CCDC71L: variants seen among roughly 807,000 people sequenced by gnomAD.
CCDC71L encodes the protein coiled-coil domain-containing protein 71L.
Under a neutral mutation model 10.2 loss-of-function variants are expected in CCDC71L, and 6 were observed. That is an observed-to-expected ratio of 0.59 (90% CI 0.32 to 1.16). CCDC71L has a LOEUF of 1.16. Ranked by LOEUF, CCDC71L falls within the 50% of genes most tolerant of loss-of-function variation. CCDC71L has a pLI of 0.05. For missense variants in CCDC71L, 366 were observed against 383.4 expected (o/e 0.95, Z 0.38); for synonymous variants, 204 against 175.5 (o/e 1.16, Z -1.28).
In CCDC71L at chr7:106,655,144, A is replaced by G. The variant is rs1792470256; in HGVS notation, c.*5045T>C. ...ATCATGGTTTAGAATGACATTTACC[A>G]AGACACAAGAGAGTGATGACAGTGA... On this transcript the variant is annotated 3_prime_UTR_variant, in exon 1 of 1. Transcript: ENST00000523505. 6.6e-6 allele frequency among the ~76,000 whole-genome samples: 1 copy of G among 152,168 alleles called. No homozygotes were observed. The highest frequency in any genetic ancestry group is 2.4e-5 in the African/African-American group (1 of 41,460).
chr7:106,660,244 C>T lies in CCDC71L; in HGVS notation c.653G>A (p.Arg218Gln), dbSNP rs769399575. ...CCTCACCATGGGTTCCAGGTTCACT[C>T]GCAGGACCTGGCGCGCCCTGCGCCG... ...AARRRARQVL[R>Q]VNLEPMVRLR... The change falls in exon 1 of 1, where the codon CGA becomes CAA. Residue 218 changes from arginine (R) to glutamine (Q), a missense_variant. By Grantham distance (43) the Arg-to-Gln change is conservative. Transcript: ENST00000523505. This position sits in a 1 kb window ranked among gnomAD's most constrained non-coding sequence, Gnocchi z 7.5. 1.2e-5 allele frequency: 19 copies of T among 1,576,838 alleles called. No individual in the cohort carries two copies. Among genetic ancestry groups the T allele is most frequent in the Non-Finnish European group, 1.6e-5 (19 of 1,171,426 alleles).
rs1208044158 is a variant in CCDC71L, at chr7:106,660,673, G to A, written c.224C>T (p.Ala75Val). 6.3e-7 allele frequency: 1 copy of A among 1,586,286 alleles called. No homozygotes were observed. Among genetic ancestry groups the A allele is most frequent in the Non-Finnish European group, 8.6e-7 (1 of 1,166,438 alleles). ...GCTGCAGAGGAAGCTCCAGAGCTCC[G>A]CGTCCGAGCTCATGAACTCCGTGCT... ...PRSTEFMSSD[A>V]ELWSFLCSLK... is the part of the protein sequence containing the mutation. The change falls in exon 1 of 1, where the codon GCG (alanine) becomes GTG (valine). Residue 75 changes from alanine to valine, a missense_variant. Coordinates refer to ENST00000523505, the MANE Select transcript of CCDC71L (RefSeq NM_175884.6). This position sits in a 1 kb window ranked among gnomAD's most constrained non-coding sequence, Gnocchi z 7.5.
In CCDC71L at chr7:106,656,656, C is replaced by A. The variant is rs918344380; in HGVS notation, c.*3533G>T. 1 of 151,552 alleles carries A rather than the reference C, an allele frequency of 6.6e-6. No individual in the cohort carries two copies. The allele number at this position is 151,552 out of a possible 1,614,324, so 9.4% of individuals were successfully genotyped here. A position where few individuals can be genotyped will look rare whatever the true frequency, so the allele number is the denominator to read the frequency against. ...TCGAGATTTCTGGGAATTTGAAGTT[C>A]ACAAAAAAGTCAAAATTTATCAAAT... On this transcript the variant is annotated 3_prime_UTR_variant, in exon 1 of 1. Transcript: ENST00000523505.
In CCDC71L at chr7:106,659,213, ATTTTAAAATAC is replaced by A. The variant is rs1353453777; in HGVS notation, c.*965_*975del. The A allele has an allele frequency of 2.0e-5, 3 of 152,244 alleles. No individual in the cohort carries two copies. In the East Asian group the frequency reaches 5.8e-4, roughly 29 times the overall value. The allele number at this position is 152,244 out of a possible 1,614,324, so 9.4% of individuals were successfully genotyped here. ...GTAAAATACATTACAAGGATAATGT[ATTTTAAAATAC>A]TTTAACGCATAATATTCCTAGATTT... is the stretch of plus-strand genomic sequence containing the variant. On this transcript the variant is annotated 3_prime_UTR_variant, in exon 1 of 1. Coordinates refer to ENST00000523505, the MANE Select transcript of CCDC71L (RefSeq NM_175884.6).
At position 106,660,188 on chromosome 7, in the gene CCDC71L, C is replaced by T; in HGVS notation, c.*1G>A. 3 of 1,553,002 alleles carry T rather than the reference C, an allele frequency of 1.9e-6. No homozygotes were observed. The highest frequency in any genetic ancestry group is 2.6e-6 in the Non-Finnish European group (3 of 1,159,758). On this transcript the variant is annotated 3_prime_UTR_variant, in exon 1 of 1. Coordinates refer to ENST00000523505, the MANE Select transcript of CCDC71L (RefSeq NM_175884.6). The surrounding 1 kb of genome is among the most constrained non-coding windows in gnomAD (Gnocchi z 7.5). ...GCAGGAGGCGCCCTGGAGGCCGCACCTCATGCCCGGGGCACCGGGAAGCGG... is the reference window on the plus strand; with the variant it reads ...GCAGGAGGCGCCCTGGAGGCCGCACTTCATGCCCGGGGCACCGGGAAGCGG...
rs963690481 is a variant in CCDC71L, at chr7:106,655,323, T to C, written c.*4866A>G. ...GTTCACCAATTTAGAGGATGTTCTA[T>C]TCTCTGTGCTATGAGGAATTAAACC... On this transcript the variant is annotated 3_prime_UTR_variant, in exon 1 of 1. Coordinates refer to ENST00000523505, the MANE Select transcript of CCDC71L (RefSeq NM_175884.6). Among the ~76,000 whole-genome samples, 3 of 152,198 alleles carry C rather than the reference T, an allele frequency of 2.0e-5. No individual in the cohort carries two copies. The highest frequency in any genetic ancestry group is 4.4e-5 in the Non-Finnish European group (3 of 68,010).
rs549632659 is a variant in CCDC71L at position 106,656,606 on chromosome 7, C to G, written c.*3583G>C. ...TTAAAGAATTGATGGAACACAGACT[C>G]CCGAGATAGCACAAAAAACAAATCT... On this transcript the variant is annotated 3_prime_UTR_variant, in exon 1 of 1. Coordinates refer to ENST00000523505, the MANE Select transcript of CCDC71L (RefSeq NM_175884.6). Among the ~76,000 whole-genome samples, 1 of 151,672 alleles carries G rather than the reference C, an allele frequency of 6.6e-6. No homozygotes were observed. Among genetic ancestry groups the G allele is most frequent in the Admixed American group, 6.6e-5 (1 of 15,248 alleles).
Position 106,660,230 on chromosome 7 carries a change from G to A in CCDC71L, c.667C>T (p.Pro223Ser). Residue 223 changes from proline to serine, a missense_variant, in exon 1 of 1, where the codon CCC (proline) becomes TCC (serine). Transcript: ENST00000523505. This position sits in a 1 kb window ranked among gnomAD's most constrained non-coding sequence, Gnocchi z 7.5. Reference sequence around the variant, plus strand: ...GGGAAGCGGCGGAGCCTCACCATGGGTTCCAGGTTCACTCGCAGGACCTGG... The same window carrying A: ...GGGAAGCGGCGGAGCCTCACCATGGATTCCAGGTTCACTCGCAGGACCTGG... ...ARQVLRVNLE[P>S]MVRLRRFPVP... is the part of the protein sequence containing the mutation. 6.3e-7 allele frequency: 1 copy of A among 1,578,112 alleles called. No individual in the cohort carries two copies. The highest frequency in any genetic ancestry group is 1.7e-5 in the Admixed American group (1 of 58,728).
At position 106,660,639 on chromosome 7, in the gene CCDC71L, G is replaced by A. The variant is rs1584308759; in HGVS notation, c.258C>T (p.His86=). The A allele has an allele frequency of 3.8e-6, 6 of 1,590,712 alleles. No individual in the cohort carries two copies. The East Asian group carries it at 1.4e-4, about 36-fold the overall frequency. The stretch of plus-strand genomic sequence containing the variant: ...TGCGCAGGATGTGCGGGGAGAACTG[G>A]TGCTTGAGGCTGCAGAGGAAGCTCC... ...ELWSFLCSLK[H]QFSPHILRSK... Residue 86 remains histidine (H), a synonymous_variant, in exon 1 of 1, where the codon CAC becomes CAT. Transcript: ENST00000523505. This position sits in a 1 kb window ranked among gnomAD's most constrained non-coding sequence, Gnocchi z 7.5.
Position 106,656,716 on chromosome 7 carries a change from T to C in CCDC71L, c.*3473A>G, listed in dbSNP as rs1422486471. Reference sequence around the variant, plus strand: ...AGATGTTTTCTGAGTCACATACAAATACAAAATACCATTTCAAAAATGTTC... The same window carrying C: ...AGATGTTTTCTGAGTCACATACAAACACAAAATACCATTTCAAAAATGTTC... On this transcript the variant is annotated 3_prime_UTR_variant, in exon 1 of 1. Coordinates refer to ENST00000523505, the MANE Select transcript of CCDC71L (RefSeq NM_175884.6). The C allele has an allele frequency of 2.0e-5, 3 of 152,178 alleles. No homozygotes were observed. Among genetic ancestry groups the C allele is most frequent in the Non-Finnish European group, 4.4e-5 (3 of 67,994 alleles). The allele number at this position is 152,178 out of a possible 1,614,324, so 9.4% of individuals were successfully genotyped here. A position where few individuals can be genotyped will look rare whatever the true frequency, so the allele number is the denominator to read the frequency against.
Position 106,660,132 on chromosome 7 carries a change from G to A in CCDC71L, c.*57C>T, listed in dbSNP as rs960845625. On this transcript the variant is annotated 3_prime_UTR_variant, in exon 1 of 1. Transcript: ENST00000523505. The surrounding 1 kb of genome is among the most constrained non-coding windows in gnomAD (Gnocchi z 7.5). ...TCGACTGACACTTGTTCATTCCTCC[G>A]GGCGGAAGGCCTGTCCCAAGGTCGG... The A allele has an allele frequency of 2.6e-5, 37 of 1,445,456 alleles. No homozygotes were observed. Among genetic ancestry groups the A allele is most frequent in the Non-Finnish European group, 1.4e-5 (16 of 1,108,398 alleles). 89.5% of individuals were successfully genotyped at this position (1,445,456 alleles called of 1,614,324 possible).
At position 106,661,123 on chromosome 7, in the gene CCDC71L, C is replaced by T. The variant is rs958264814; in HGVS notation, c.-227G>A. 4 of 486,944 alleles carry T rather than the reference C, an allele frequency of 8.2e-6. No individual in the cohort carries two copies. Among genetic ancestry groups the T allele is most frequent in the Admixed American group, 9.1e-5 (2 of 21,872 alleles). 30.2% of individuals were successfully genotyped at this position (486,944 alleles called of 1,614,324 possible). ...CCCTGGGCTTTGTCATTGGACGGCGCCTCGCCCCCCTGGTTTCTCTTTCTT... is the reference window on the plus strand; with the variant it reads ...CCCTGGGCTTTGTCATTGGACGGCGTCTCGCCCCCCTGGTTTCTCTTTCTT... On this transcript the variant is annotated 5_prime_UTR_variant, in exon 1 of 1. Coordinates refer to ENST00000523505, the MANE Select transcript of CCDC71L (RefSeq NM_175884.6).
Position 106,658,626 on chromosome 7 carries a change from T to C in CCDC71L, c.*1563A>G, listed in dbSNP as rs998613333. ...GGCAGAATACTTAAATTTGAAATAA[T>C]AGTGGTACAAAAACACTACTTGACC... On this transcript the variant is annotated 3_prime_UTR_variant, in exon 1 of 1. Transcript: ENST00000523505. The C allele has an allele frequency of 3.9e-5, 6 of 152,604 alleles. No individual in the cohort carries two copies. The South Asian group carries it at 6.2e-4, about 16-fold the overall frequency. The allele number at this position is 152,604 out of a possible 1,614,324, so 9.5% of individuals were successfully genotyped here. A position where few individuals can be genotyped will look rare whatever the true frequency, so the allele number is the denominator to read the frequency against.
At position 106,660,893 on chromosome 7, in the gene CCDC71L, G is replaced by T; in HGVS notation, c.4C>A (p.Arg2=). The change falls in exon 1 of 1, where the codon CGG becomes AGG. Residue 2 remains arginine (R), a synonymous_variant. Coordinates refer to ENST00000523505, the MANE Select transcript of CCDC71L (RefSeq NM_175884.6). This position sits in a 1 kb window ranked among gnomAD's most constrained non-coding sequence, Gnocchi z 7.5. M[R]RSMKRRRRRR... ...CGCCGCCGCCTCTTCATACTGCGCC[G>T]CATCGAAGGCCGCTCCGGGCCACTC... is the stretch of plus-strand genomic sequence containing the variant. 3 of 1,395,754 alleles carry T rather than the reference G, an allele frequency of 2.1e-6. No individual in the cohort carries two copies. Among genetic ancestry groups the T allele is most frequent in the East Asian group, 3.0e-5 (1 of 33,818 alleles). 86.5% of individuals were successfully genotyped at this position (1,395,754 alleles called of 1,614,324 possible). A position where few individuals can be genotyped will look rare whatever the true frequency, so the allele number is the denominator to read the frequency against.
chr7:106,660,436 G>A lies in CCDC71L; in HGVS notation c.461C>T (p.Pro154Leu), dbSNP rs1792571867. 1 of 1,233,690 alleles carries A rather than the reference G, an allele frequency of 8.1e-7. No homozygotes were observed. Among genetic ancestry groups the A allele is most frequent in the South Asian group, 3.9e-5 (1 of 25,840 alleles). 76.4% of individuals were successfully genotyped at this position (1,233,690 alleles called of 1,614,324 possible). Residue 154 changes from proline to leucine, a missense_variant, in exon 1 of 1, where the codon CCG becomes CTG. Transcript: ENST00000523505. This position sits in a 1 kb window ranked among gnomAD's most constrained non-coding sequence, Gnocchi z 7.5. The stretch of plus-strand genomic sequence containing the variant: ...CGGGCAGCTCTCCTCGGGGGGCGGC[G>A]GCGGTGGGGGTGGCGGCCGGGGCTT... Reference protein sequence around the residue: ...RRKPRPPPPPPPPPEESCPAK... With the variant: ...RRKPRPPPPPLPPPEESCPAK...
chr7:106,655,148 C>T lies in CCDC71L; in HGVS notation c.*5041G>A, dbSNP rs1242265187. Among the ~76,000 whole-genome samples, 2 of 152,104 alleles carry T rather than the reference C, an allele frequency of 1.3e-5. No individual in the cohort carries two copies. The highest frequency in any genetic ancestry group is 4.8e-5 in the African/African-American group (2 of 41,434). On this transcript the variant is annotated 3_prime_UTR_variant, in exon 1 of 1. Coordinates refer to ENST00000523505, the MANE Select transcript of CCDC71L (RefSeq NM_175884.6). ...TGGTTTAGAATGACATTTACCAAGACACAAGAGAGTGATGACAGTGAGAAG... is the reference window on the plus strand; with the variant it reads ...TGGTTTAGAATGACATTTACCAAGATACAAGAGAGTGATGACAGTGAGAAG...
chr7:106,655,387 G>T lies in CCDC71L; in HGVS notation c.*4802C>A, dbSNP rs1792473768. Among the ~76,000 whole-genome samples, 1 of 152,138 alleles carries T rather than the reference G, an allele frequency of 6.6e-6. No individual in the cohort carries two copies. Among genetic ancestry groups the T allele is most frequent in the South Asian group, 2.1e-4 (1 of 4,828 alleles). ...TTATATCTGACATCCAAAAATGAGT[G>T]TGTCAATGCTTCAAATACAAGATTT... On this transcript the variant is annotated 3_prime_UTR_variant, in exon 1 of 1. Coordinates refer to ENST00000523505, the MANE Select transcript of CCDC71L (RefSeq NM_175884.6).
In CCDC71L at chr7:106,658,044, TTTCA is replaced by T. The variant is rs1490897834; in HGVS notation, c.*2141_*2144del. The T allele has an allele frequency of 1.3e-5, 2 of 152,212 alleles. No homozygotes were observed. Among genetic ancestry groups the T allele is most frequent in the African/African-American group, 4.8e-5 (2 of 41,454 alleles). 9.4% of individuals were successfully genotyped at this position (152,212 alleles called of 1,614,324 possible). ...TTCTAATATGGCCATTGGGTTTATT[TTTCA>T]TTATTATAAAACTATATACAATAGT... On this transcript the variant is annotated 3_prime_UTR_variant, in exon 1 of 1. Coordinates refer to ENST00000523505, the MANE Select transcript of CCDC71L (RefSeq NM_175884.6).
rs1792472342 is a variant in CCDC71L, at chr7:106,655,290, T to C, written c.*4899A>G. On this transcript the variant is annotated 3_prime_UTR_variant, in exon 1 of 1. Transcript: ENST00000523505. ...TGTGTCAACTTCAGATAACTGCAAC[T>C]TTGGCTTGTTCACCAATTTAGAGGA... 1.3e-5 allele frequency among the ~76,000 whole-genome samples: 2 copies of C among 152,196 alleles called. No homozygotes were observed. The highest frequency in any genetic ancestry group is 6.5e-5 in the Admixed American group (1 of 15,284).
Sources: allele counts gnomAD v4.1 joint callset (sites outside exome capture counted in the v4.1 genomes callset), GRCh38; gene constraint gnomAD v4.1.1; non-coding constraint Gnocchi (gnomAD v3.1); transcripts MANE v1.5; gene names NCBI Gene and HGNC (gene_info 2026-07-23, HGNC 2026-07-21).